The following UNC5B variants were observed in gnomAD, a reference collection of about 807,000 sequenced individuals.
UNC5B encodes unc-5 netrin receptor B.
Under a neutral mutation model 103.7 loss-of-function variants are expected in UNC5B, and 56 were observed. The observed-to-expected ratio is 0.54, with a 90% CI of 0.44 to 0.67. The LOEUF (loss-of-function observed/expected upper bound fraction) is 0.67. Among genes scored for constraint, UNC5B ranks in the 30% least tolerant of loss-of-function variants. UNC5B has a pLI of 0.00. For missense variants in UNC5B, 1,194 were observed against 1,284.5 expected, an observed-to-expected ratio of 0.93 and a Z score of 1.08; for synonymous variants, 577 against 542.0, an observed-to-expected ratio of 1.06 and a Z score of -0.90.
At chr10:71,252,115 G>A (rs1844187763) in intron 1 of UNC5B, among the ~76,000 whole-genome samples, 1 of 152,224 alleles carries the variant, frequency 6.6e-6, no homozygotes, top group South Asian at 2.1e-4. Flanking sequence ...CAGTTAACAT[G>A]CTCTTCAGTG....
chr10:71,242,423 G>C (rs1843926356), intron 1 of UNC5B, among the ~76,000 whole-genome samples: 1 of 152,182 alleles, frequency 6.6e-6, no homozygotes, highest in South Asian at 2.1e-4. Flanking sequence ...CCTGGCGTGG[G>C]CTTCTTTCCA....
At chr10:71,235,446 C>T (rs1251555941) in intron 1 of UNC5B, among the ~76,000 whole-genome samples, 1 of 152,210 alleles carries the variant, frequency 6.6e-6, no homozygotes, top group Non-Finnish European at 1.5e-5. Flanking sequence ...GGTATGTGGA[C>T]TGGAGGTTGT....
intron 1 of UNC5B, among the ~76,000 whole-genome samples, chr10:71,221,131 G>T (rs867711333): frequency 6.6e-6 from 1 of 152,160 alleles, no homozygotes; most frequent in Non-Finnish European, 1.5e-5. Context: ...GCCCTTGCAC[G>T]CATTATGCAG....
Position 71,299,096 on chromosome 10 carries a change from T to A in UNC5B, c.2673-16T>A, listed in dbSNP as rs751348945. ...TAAGTGCTTGGGAACCTCAGTGCCC[T>A]CCTTCCCTCTGCCAGGTACCTGAAT... is the stretch of plus-strand genomic sequence containing the variant. On this transcript the variant is annotated splice_polypyrimidine_tract_variant and intron_variant, in intron 16 of 16. Coordinates refer to ENST00000335350, the MANE Select transcript of UNC5B (RefSeq NM_170744.5). 1.2e-6 allele frequency: 2 copies of A among 1,613,948 alleles called. No homozygotes were observed. Among genetic ancestry groups the A allele is most frequent in the Non-Finnish European group, 1.7e-6 (2 of 1,179,856 alleles).
intron 1 of UNC5B, among the ~76,000 whole-genome samples, chr10:71,251,743 A>G (rs535133202): frequency 6.6e-6 from 1 of 152,356 alleles, no homozygotes; most frequent in East Asian, 1.9e-4. Flanking sequence ...GAATGAATGA[A>G]CCAAGATAAT....
chr10:71,234,337 C>T lies in UNC5B; in HGVS notation c.79+21273C>T, dbSNP rs897153820. Reference sequence around the variant, plus strand: ...TTCATTCTTGAGATTCAGGCCTGGCCCAGAGAAGTCCAAGCCAGGGAATCG... The same window carrying T: ...TTCATTCTTGAGATTCAGGCCTGGCTCAGAGAAGTCCAAGCCAGGGAATCG... On this transcript the variant is annotated intron_variant, in intron 1 of 16. Transcript: ENST00000335350. Among the ~76,000 whole-genome samples the T allele has an allele frequency of 5.9e-5, 9 of 152,268 alleles. No homozygotes were observed. In the South Asian group the frequency reaches 1.7e-3, roughly 28 times the overall value.
rs1845343210 is a variant in UNC5B, at chr10:71,293,983, A to T, written c.2175+50A>T. 12 of 1,485,158 alleles carry T rather than the reference A, an allele frequency of 8.1e-6. 1 individual carries two copies. In the African/African-American group the frequency reaches 9.7e-5, roughly 12 times the overall value. The allele number at this position is 1,485,158 out of a possible 1,614,324, so 92.0% of individuals were successfully genotyped here. The stretch of plus-strand genomic sequence containing the variant: ...ACAGCCCTGGCCGGCCAGCTGCATG[A>T]TCCCTGCCAGAATCCCCCACCCCAG... On this transcript the variant is annotated intron_variant, in intron 13 of 16. Transcript: ENST00000335350.
At chr10:71,287,216 T>C (rs1845111636) in intron 5 of UNC5B, among the ~76,000 whole-genome samples, 2 of 152,190 alleles carry the variant, frequency 1.3e-5, no homozygotes, top group African/African-American at 4.8e-5. Flanking sequence ...CCTTGGGCCC[T>C]ATGGGTGGGA....
At chr10:71,292,002 A>G (rs113540033) in intron 10 of UNC5B, among the ~76,000 whole-genome samples, 181 bp downstream of exon 10, 247 of 152,332 alleles carry the variant, frequency 1.6e-3, no homozygotes, top group African/African-American at 5.7e-3. Flanking sequence ...GCTAGGCTTC[A>G]AGCCTGCCTA....
chr10:71,227,477 A>G (rs1843587567), intron 1 of UNC5B, among the ~76,000 whole-genome samples: 1 of 151,988 alleles, frequency 6.6e-6, no homozygotes, highest in East Asian at 1.9e-4. Context: ...TGCATTGCTT[A>G]TGTGATGGGT....
intron 1 of UNC5B, among the ~76,000 whole-genome samples, chr10:71,268,921 C>T (rs1052822750): frequency 1.3e-5 from 2 of 152,224 alleles, no homozygotes; most frequent in Non-Finnish European, 2.9e-5. Context: ...CCTCACTCCC[C>T]GTGCCAGCTC....
rs1060184 is a variant in UNC5B at position 71,299,601 on chromosome 10, C to A, written c.*324C>A. 3 of 271,426 alleles carry A rather than the reference C, an allele frequency of 1.1e-5. No individual in the cohort carries two copies. In the South Asian group the frequency reaches 2.2e-4, roughly 20 times the overall value. The allele number at this position is 271,426 out of a possible 1,614,324, so 16.8% of individuals were successfully genotyped here. A position where few individuals can be genotyped will look rare whatever the true frequency, so the allele number is the denominator to read the frequency against. ...AGGCAGGAGGCCCTCCCTCCACCCC[C>A]CCACCCTCAGCCCGGCAACTTCTGG... On this transcript the variant is annotated 3_prime_UTR_variant, in exon 17 of 17. Coordinates refer to ENST00000335350, the MANE Select transcript of UNC5B (RefSeq NM_170744.5).
intron 14 of UNC5B, 74 bp downstream of exon 14, chr10:71,296,034 C>T: frequency 1.3e-6 from 2 of 1,597,590 alleles, no homozygotes; most frequent in Non-Finnish European, 1.7e-6. Flanking sequence ...CCTCCCGGGC[C>T]CTGCCTCCTA....
At chr10:71,288,400 G>GCATGGC (rs1845149599) in intron 6 of UNC5B, among the ~76,000 whole-genome samples, 168 bp from the exon 7 acceptor site, 2 of 152,224 alleles carry the variant, frequency 1.3e-5, no homozygotes, top group African/African-American at 4.8e-5. Flanking sequence ...GGGTTATGTG[G>GCATGGC]ATATCATGTG....
intron 8 of UNC5B, among the ~76,000 whole-genome samples, chr10:71,289,520 C>T (rs1319814908): frequency 2.0e-5 from 3 of 152,210 alleles, no homozygotes; most frequent in Admixed American, 6.5e-5. Flanking sequence ...CCAGAGGCTG[C>T]GCCACCACTG....
rs1024787818 is a variant in UNC5B at position 71,301,957 on chromosome 10, G to C, written c.*2680G>C. On this transcript the variant is annotated 3_prime_UTR_variant, in exon 17 of 17. Coordinates refer to ENST00000335350, the MANE Select transcript of UNC5B (RefSeq NM_170744.5). The stretch of plus-strand genomic sequence containing the variant: ...ACAGGAGCTTGACGGATGAAGTGCA[G>C]CCAGCCACCCAGGTGCCATTTCCAG... 1.3e-5 allele frequency: 2 copies of C among 152,258 alleles called. No individual in the cohort carries two copies. The highest frequency in any genetic ancestry group is 4.8e-5 in the African/African-American group (2 of 41,450). 9.4% of individuals were successfully genotyped at this position (152,258 alleles called of 1,614,324 possible). A position where few individuals can be genotyped will look rare whatever the true frequency, so the allele number is the denominator to read the frequency against.
chr10:71,231,404 G>T (rs1843680615), intron 1 of UNC5B, among the ~76,000 whole-genome samples: 1 of 152,164 alleles, frequency 6.6e-6, no homozygotes, highest in Admixed American at 6.5e-5. Flanking sequence ...GGCTCCAATG[G>T]CCCCTCCCCA....
At chr10:71,265,521 G>A (rs1844504211) in intron 1 of UNC5B, among the ~76,000 whole-genome samples, 1 of 152,238 alleles carries the variant, frequency 6.6e-6, no homozygotes, top group African/African-American at 2.4e-5. Flanking sequence ...AGGGAAACCA[G>A]CTCTGAGAAT....
chr10:71,262,883 G>A (rs1844443726), intron 1 of UNC5B, among the ~76,000 whole-genome samples: 1 of 152,236 alleles, frequency 6.6e-6, no homozygotes, highest in African/African-American at 2.4e-5. Context: ...GGACCACACA[G>A]TCGATGGGGG....
Sources: allele counts gnomAD v4.1 joint callset (sites outside exome capture counted in the v4.1 genomes callset), GRCh38; gene constraint gnomAD v4.1.1; transcripts MANE v1.5; gene names NCBI Gene and HGNC (gene_info 2026-07-23, HGNC 2026-07-21).